WDR27: variants seen among roughly 807,000 people sequenced by gnomAD.
WDR27 encodes the protein WD repeat domain 27, also known as WD repeat-containing protein 27.
In WDR27, 100 loss-of-function variants were observed where a neutral mutation model predicts 114.4. The ratio of observed to expected loss-of-function variants is 0.87; its 90% CI spans 0.74 to 1.03. The LOEUF (loss-of-function observed/expected upper bound fraction) is 1.03, where lower values mean the gene tolerates loss of function less well. WDR27 is among the 50% of genes least tolerant of loss of function. The pLI is 0.00. For synonymous variants in WDR27, 449 were observed against 423.1 expected (o/e 1.06, Z -0.75); for missense variants, 1,129 against 1,092.9 (o/e 1.03, Z -0.47).
At chr6:169,480,287 G>A (rs1400772131) in intron 25 of WDR27, among the ~76,000 whole-genome samples, 6 of 152,158 alleles carry the variant, frequency 3.9e-5, no homozygotes, top group South Asian at 2.1e-4. Context: ...GGCAGGGCTC[G>A]GGACCTGCAG....
At chr6:169,450,101 T>C in the WDR27 span, among the ~76,000 whole-genome samples, 1 of 152,246 alleles carries the variant, frequency 6.6e-6, no homozygotes, top group Non-Finnish European at 1.5e-5. Context: ...CCTCTGACCC[T>C]TTCCCACTTT....
chr6:169,441,806 T>G, the WDR27 span, among the ~76,000 whole-genome samples: 48,707 of 152,072 alleles, frequency 0.32, 9,017 homozygotes, highest in African/African-American at 0.51. Flanking sequence ...GACCACCTAG[T>G]CTGTGTGTAT....
intron 23 of WDR27, among the ~76,000 whole-genome samples, chr6:169,594,879 T>C (rs1405691272): frequency 6.6e-6 from 1 of 152,220 alleles, no homozygotes; most frequent in African/African-American, 2.4e-5. Context: ...CTTTTTTTCC[T>C]TAAACATTGA....
At position 169,637,505 on chromosome 6, in the gene WDR27, G is replaced by T. The variant is rs930725239; in HGVS notation, c.1870-1001C>A. Among the ~76,000 whole-genome samples, 3 of 152,054 alleles carry T rather than the reference G, an allele frequency of 2.0e-5. No individual in the cohort carries two copies. In the South Asian group the frequency reaches 6.2e-4, roughly 32 times the overall value. ...ATGTGTATTAATACGTGGCAAATAT[G>T]TAAGTGTATGTGTATGCATCTACAT... On this transcript the variant is annotated intron_variant, in intron 18 of 25. Transcript: ENST00000448612.
intron 1 of WDR27, among the ~76,000 whole-genome samples, chr6:169,692,909 T>A (rs1784871120): frequency 6.6e-6 from 1 of 152,160 alleles, no homozygotes; most frequent in South Asian, 2.1e-4. Flanking sequence ...GCTCATCACC[T>A]GAGAAACCAG....
At chr6:169,477,664 C>T (rs145201131) in intron 25 of WDR27, among the ~76,000 whole-genome samples, 17 of 152,220 alleles carry the variant, frequency 1.1e-4, no homozygotes, top group African/African-American at 4.1e-4. Context: ...GTCTTGAAGC[C>T]CAAGCCTCAA....
chr6:169,658,224 A>G, intron 13 of WDR27, 52 bp downstream of exon 13: 2 of 1,428,298 alleles, frequency 1.4e-6, no homozygotes, highest in Non-Finnish European at 1.9e-6. Context: ...CCTAACCACA[A>G]TGAGAACGCA....
chr6:169,656,507 CG>C (rs1824232656), intron 13 of WDR27, among the ~76,000 whole-genome samples: 1 of 147,400 alleles, frequency 6.8e-6, no homozygotes, highest in African/African-American at 2.5e-5. Flanking sequence ...AGAGACCAGG[CG>C]GGGTGGGGGG....
intron 25 of WDR27, among the ~76,000 whole-genome samples, chr6:169,463,820 T>G (rs1785207130): frequency 1.3e-5 from 2 of 152,090 alleles, no homozygotes; most frequent in Non-Finnish European, 2.9e-5. Flanking sequence ...AATAAAATAC[T>G]TAGGAATTAA....
intron 25 of WDR27, among the ~76,000 whole-genome samples, chr6:169,461,837 A>G (rs1260961983): frequency 6.6e-6 from 1 of 152,024 alleles, no homozygotes; most frequent in Admixed American, 6.5e-5. Context: ...GATTCAATGA[A>G]AAGAAAAACG....
chr6:169,538,082 T>C (rs996229746), intron 25 of WDR27, among the ~76,000 whole-genome samples: 1 of 152,106 alleles, frequency 6.6e-6, no homozygotes, highest in African/African-American at 2.4e-5. Context: ...AGCTGACAAC[T>C]GGGGCAGCTA....
At chr6:169,645,011 AAAAAAAAAAAAT>A (rs1249255001) in intron 16 of WDR27, among the ~76,000 whole-genome samples, 4 of 100,638 alleles carry the variant, frequency 4.0e-5, no homozygotes, top group African/African-American at 2.3e-4. Flanking sequence ...TCCGTCTCAA[AAAAAAAAAAAAT>A]AAAAAAAAAA....
At chr6:169,514,964 C>G (rs1793445532) in intron 25 of WDR27, among the ~76,000 whole-genome samples, 1 of 151,654 alleles carries the variant, frequency 6.6e-6, no homozygotes, top group Admixed American at 6.6e-5. Context: ...TGAGAGCTTT[C>G]CCTACGAGAT....
intron 12 of WDR27, among the ~76,000 whole-genome samples, chr6:169,658,664 C>T (rs1460720023): frequency 5.9e-5 from 9 of 151,444 alleles, no homozygotes; most frequent in Admixed American, 5.9e-4. Flanking sequence ...TTCCAAATAG[C>T]ATTGGCAGAG....
At chr6:169,619,640 G>T (rs1812655060) in intron 21 of WDR27, among the ~76,000 whole-genome samples, 1 of 152,142 alleles carries the variant, frequency 6.6e-6, no homozygotes, top group Non-Finnish European at 1.5e-5. Flanking sequence ...AACATTTTCT[G>T]GTTGACAATT....
chr6:169,677,927 G>A (rs1057503941), intron 2 of WDR27, among the ~76,000 whole-genome samples: 1 of 152,256 alleles, frequency 6.6e-6, no homozygotes, highest in Non-Finnish European at 1.5e-5. Context: ...GAGTAAAGGA[G>A]GCTTAGCAGC....
At chr6:169,522,777 T>C (rs1292369203) in intron 25 of WDR27, among the ~76,000 whole-genome samples, 1 of 151,852 alleles carries the variant, frequency 6.6e-6, no homozygotes, top group East Asian at 1.9e-4. Flanking sequence ...AAATAAAATG[T>C]AATATACCAA....
chr6:169,667,312 A>G, intron 5 of WDR27, 125 bp from the exon 6 acceptor site: 1 of 1,247,906 alleles, frequency 8.0e-7, no homozygotes, highest in African/African-American at 1.5e-5. Flanking sequence ...ACAGAAAACA[A>G]TAAAATGAGC....
At chr6:169,604,378 A>G (rs760068650) in intron 22 of WDR27, among the ~76,000 whole-genome samples, 3 of 152,292 alleles carry the variant, frequency 2.0e-5, no homozygotes, top group East Asian at 1.9e-4. Flanking sequence ...TCCTGGAAAT[A>G]CACAACTTCC....
Sources: gnomAD v4.1 joint callset for allele counts (sites outside exome capture counted in the v4.1 genomes callset) on GRCh38, gnomAD v4.1.1 for gene constraint, MANE v1.5 for transcripts, NCBI Gene and HGNC (gene_info 2026-07-23, HGNC 2026-07-21) for gene names.